Variants in CACNA1C observed in about 807,000 individuals in gnomAD.
The protein encoded by CACNA1C is voltage-dependent L-type calcium channel subunit alpha-1C.
In CACNA1C, 30 loss-of-function variants were observed where a neutral mutation model predicts 229.0. That is an observed-to-expected ratio of 0.13 (90% CI 0.10 to 0.18). The LOEUF is 0.18. Among genes scored for constraint, CACNA1C ranks in the 10% least tolerant of loss-of-function variants. The pLI, the probability that CACNA1C is intolerant of heterozygous loss-of-function variation, is 1.00. For missense variants in CACNA1C, 1,658 were observed against 2,845.0 expected (o/e 0.58, Z 9.49); for synonymous variants, 1,114 against 1,132.5 (o/e 0.98, Z 0.33).
rs1598328543 is a variant in CACNA1C, at chr12:2,181,407, G to A, written c.477+60977G>A. 1.3e-5 allele frequency among the ~76,000 whole-genome samples: 2 copies of A among 152,248 alleles called. No homozygotes were observed. The highest frequency in any genetic ancestry group is 3.9e-4 in the East Asian group (2 of 5,166). On this transcript the variant is annotated intron_variant, in intron 3 of 46. Transcript: ENST00000399655. This position sits in a 1 kb window ranked among gnomAD's most constrained non-coding sequence, Gnocchi z 4.0. ...GCCTTCAGTGTGGGGACAGAGTTAAGATCAACATGATCACAGCAGACTGAC... is the reference window on the plus strand; with the variant it reads ...GCCTTCAGTGTGGGGACAGAGTTAAAATCAACATGATCACAGCAGACTGAC...
Position 2,369,898 on chromosome 12 carries a change from A to G in CACNA1C, c.478-79078A>G, listed in dbSNP as rs1280105224. Among the ~76,000 whole-genome samples the G allele has an allele frequency of 2.6e-5, 4 of 152,352 alleles. No individual in the cohort carries two copies. In the East Asian group the frequency reaches 7.7e-4, roughly 29 times the overall value. ...ACTGAGATTCAACTCATAAAAATAG[A>G]AAACTTTTACCCACAGAAAAATTAC... On this transcript the variant is annotated intron_variant, in intron 3 of 46. Transcript: ENST00000399655.
chr12:2,040,301 C>G (rs541008947), intron 1 of CACNA1C, among the ~76,000 whole-genome samples: 2 of 152,226 alleles, frequency 1.3e-5, no homozygotes, highest in African/African-American at 4.8e-5. Flanking sequence ...TTGAACTGCT[C>G]TCTGCAGAAC....
chr12:2,628,628 C>T (rs1192311947), intron 29 of CACNA1C, among the ~76,000 whole-genome samples: 3 of 152,094 alleles, frequency 2.0e-5, no homozygotes, highest in Non-Finnish European at 2.9e-5. Context: ...AGTGGCTGAC[C>T]GGGCGCAGTG....
intron 3 of CACNA1C, among the ~76,000 whole-genome samples, chr12:2,175,568 G>A (rs970824082): frequency 1.3e-5 from 2 of 152,138 alleles, no homozygotes; most frequent in African/African-American, 4.8e-5. Context: ...GGTGGGCTCC[G>A]GGATTGGCAG....
chr12:2,285,078 G>A lies in CACNA1C; in HGVS notation c.478-163898G>A, dbSNP rs1210828189. On this transcript the variant is annotated intron_variant, in intron 3 of 46. Transcript: ENST00000399655. The surrounding 1 kb of genome is among the most constrained non-coding windows in gnomAD (Gnocchi z 4.2). Reference sequence around the variant, plus strand: ...TGGCATCTCTCCTGCTCTCTGGGAGGAGGGACGGGCCGCTAAGTGCTGACG... The same window carrying A: ...TGGCATCTCTCCTGCTCTCTGGGAGAAGGGACGGGCCGCTAAGTGCTGACG... Among the ~76,000 whole-genome samples, 1 of 152,118 alleles carries A rather than the reference G, an allele frequency of 6.6e-6. No individual in the cohort carries two copies. The highest frequency in any genetic ancestry group is 1.5e-5 in the Non-Finnish European group (1 of 68,020).
At chr12:2,557,071 C>T in intron 11 of CACNA1C, 94 bp downstream of exon 11, 1 of 986,284 alleles carries the variant, frequency 1.0e-6, no homozygotes, top group Non-Finnish European at 1.6e-6. Context: ...CTACAAGTTG[C>T]CAGTAGTGTA....
At chr12:2,517,402 G>T (rs2099799341) in intron 9 of CACNA1C, among the ~76,000 whole-genome samples, 1 of 152,198 alleles carries the variant, frequency 6.6e-6, no homozygotes, top group African/African-American at 2.4e-5. Flanking sequence ...CCATCACGAT[G>T]TTCCCTTCTA....
rs2099564540 is a variant in CACNA1C at position 2,467,560 on chromosome 12, G to A, written c.757+9854G>A. Among the ~76,000 whole-genome samples the A allele has an allele frequency of 6.6e-6, 1 of 152,170 alleles. No individual in the cohort carries two copies. The highest frequency in any genetic ancestry group is 1.5e-5 in the Non-Finnish European group (1 of 68,000). On this transcript the variant is annotated intron_variant, in intron 5 of 46. Coordinates refer to ENST00000399655, the MANE Select transcript of CACNA1C (RefSeq NM_000719.7). The surrounding 1 kb of genome is among the most constrained non-coding windows in gnomAD (Gnocchi z 4.6). ...GGGGTTGTGCTCTGCAGATGGGGCAGAGCACCCTGGAGGGCAGCCAGAGAC... is the reference window on the plus strand; with the variant it reads ...GGGGTTGTGCTCTGCAGATGGGGCAAAGCACCCTGGAGGGCAGCCAGAGAC...
chr12:2,486,002 C>A lies in CACNA1C; in HGVS notation c.758-102C>A. Reference sequence around the variant, plus strand: ...CAGTCTTCTCATCTAAACAACAGGGCTGGCAGTTCCTTCCTTGCAGAGTTG... The same window carrying A: ...CAGTCTTCTCATCTAAACAACAGGGATGGCAGTTCCTTCCTTGCAGAGTTG... On this transcript the variant is annotated intron_variant, in intron 5 of 46. Coordinates refer to ENST00000399655, the MANE Select transcript of CACNA1C (RefSeq NM_000719.7). The surrounding 1 kb of genome is among the most constrained non-coding windows in gnomAD (Gnocchi z 4.9). 2 of 904,598 alleles carry A rather than the reference C, an allele frequency of 2.2e-6. No homozygotes were observed. Among genetic ancestry groups the A allele is most frequent in the Non-Finnish European group, 3.2e-6 (2 of 615,812 alleles). 56.0% of individuals were successfully genotyped at this position (904,598 alleles called of 1,614,324 possible).
intron 27 of CACNA1C, 47 bp from the exon 28 acceptor site, chr12:2,610,494 C>T (rs868472006): frequency 6.3e-7 from 1 of 1,575,552 alleles, no homozygotes; most frequent in Middle Eastern, 1.7e-4. Context: ...CCCCCACACC[C>T]TCCAGTTAAC....
chr12:2,510,992 A>T lies in CACNA1C; in HGVS notation c.1218-1820A>T, dbSNP rs78363728. ...GATCATCCCCAGAAGGGAAGGAGCA[A>T]AGTTTCCCTCGCCATTGTGAGCTGT... On this transcript the variant is annotated intron_variant, in intron 8 of 46. Coordinates refer to ENST00000399655, the MANE Select transcript of CACNA1C (RefSeq NM_000719.7). Among the ~76,000 whole-genome samples, 94 of 152,296 alleles carry T rather than the reference A, an allele frequency of 6.2e-4. 2 individuals are homozygous for T. The East Asian group carries it at 0.014, about 22-fold the overall frequency.
chr12:2,491,216 A>C (rs1221743623), intron 6 of CACNA1C, among the ~76,000 whole-genome samples: 1 of 152,148 alleles, frequency 6.6e-6, no homozygotes, highest in African/African-American at 2.4e-5. Context: ...GTTGCCAGGG[A>C]CTGGGGATGG....
intron 3 of CACNA1C, among the ~76,000 whole-genome samples, chr12:2,421,078 A>G (rs1164804678): frequency 6.6e-6 from 1 of 152,212 alleles, no homozygotes; most frequent in Non-Finnish European, 1.5e-5. Context: ...AGACAGTTTC[A>G]TTTGCTGTTA....
intron 5 of CACNA1C, among the ~76,000 whole-genome samples, chr12:2,462,980 T>G (rs891234241): frequency 2.7e-5 from 4 of 148,174 alleles, no homozygotes; most frequent in Non-Finnish European, 5.9e-5. Context: ...TGGTGTGATC[T>G]CGGCTCACTG....
intron 5 of CACNA1C, among the ~76,000 whole-genome samples, chr12:2,485,063 C>T (rs554319548): frequency 1.1e-4 from 17 of 152,124 alleles, no homozygotes; most frequent in Non-Finnish European, 2.2e-4. Flanking sequence ...CAGGGGCAAG[C>T]GCGGTGGATG....
intron 3 of CACNA1C, among the ~76,000 whole-genome samples, chr12:2,235,841 A>G (rs953294103): frequency 2.0e-5 from 3 of 152,154 alleles, no homozygotes; most frequent in Non-Finnish European, 4.4e-5. Context: ...TCCACTTTGC[A>G]TCCATCCTCC....
At position 2,597,642 on chromosome 12, in the gene CACNA1C, T is replaced by C; in HGVS notation, c.2853+353T>C. 1 of 691,304 alleles carries C rather than the reference T, an allele frequency of 1.4e-6. No individual in the cohort carries two copies. The highest frequency in any genetic ancestry group is 2.6e-6 in the Non-Finnish European group (1 of 390,896). The allele number at this position is 691,304 out of a possible 1,614,324, so 42.8% of individuals were successfully genotyped here. ...AATTGGAAAAATGAGTGCCCCTCAC[T>C]TTGTGTGATGCACTTTGCCCAGACT... is the stretch of plus-strand genomic sequence containing the variant. On this transcript the variant is annotated intron_variant, in intron 21 of 46. Coordinates refer to ENST00000399655, the MANE Select transcript of CACNA1C (RefSeq NM_000719.7). The surrounding 1 kb of genome is among the most constrained non-coding windows in gnomAD (Gnocchi z 4.3).
chr12:2,671,708 C>G (rs1240695647), intron 38 of CACNA1C, among the ~76,000 whole-genome samples: 4 of 152,286 alleles, frequency 2.6e-5, no homozygotes, highest in African/African-American at 9.6e-5. Flanking sequence ...GAAAGACTGA[C>G]CAGTCAAATG....
intron 7 of CACNA1C, among the ~76,000 whole-genome samples, chr12:2,500,236 T>C (rs1277174286): frequency 2.6e-5 from 4 of 152,170 alleles, no homozygotes; most frequent in Non-Finnish European, 5.9e-5. Context: ...GGGGGACCCA[T>C]GAGTTTCCTC....
Sources: allele counts gnomAD v4.1 joint callset (sites outside exome capture counted in the v4.1 genomes callset), GRCh38; gene constraint gnomAD v4.1.1; non-coding constraint Gnocchi (gnomAD v3.1); transcripts MANE v1.5; gene names NCBI Gene and HGNC (gene_info 2026-07-23, HGNC 2026-07-21).